MAP2K5: variants seen among roughly 807,000 people sequenced by gnomAD.
MAP2K5 encodes the protein dual specificity mitogen-activated protein kinase kinase 5.
Under a neutral mutation model 83.1 loss-of-function variants are expected in MAP2K5, and 49 were observed. That is an observed-to-expected ratio of 0.59 (90% CI 0.47 to 0.75). The LOEUF (loss-of-function observed/expected upper bound fraction) is 0.75, where lower values mean the gene tolerates loss of function less well. Among genes scored for constraint, MAP2K5 ranks in the 30% least tolerant of loss-of-function variants. The pLI, the probability that MAP2K5 is intolerant of heterozygous loss-of-function variation, is 0.00. For missense variants in MAP2K5, 457 were observed against 557.5 expected, an observed-to-expected ratio of 0.82 and a Z score of 1.82; for synonymous variants, 202 against 191.8, an observed-to-expected ratio of 1.05 and a Z score of -0.44.
chr15:67,628,402 C>T, intron 8 of MAP2K5: 2 of 542,234 alleles, frequency 3.7e-6, no homozygotes, highest in South Asian at 2.3e-5. Flanking sequence ...ATTGCTTGAA[C>T]CCAGGAGGCA....
chr15:67,656,326 A>ATTTT (rs11411357), intron 11 of MAP2K5, among the ~76,000 whole-genome samples: 1 of 143,414 alleles, frequency 7.0e-6, no homozygotes, highest in Admixed American at 7.0e-5. Flanking sequence ...AAACCTTTTA[A>ATTTT]TTTTTTTTTT....
rs1596861556 is a variant in MAP2K5, at chr15:67,724,690, A to G, written c.1045-3226A>G. ...GCTATATGTTTCCTTCTACTTTTCT[A>G]TAAGACAAATAGTGTGGAACATAAA... On this transcript the variant is annotated intron_variant, in intron 16 of 21. Coordinates refer to ENST00000178640, the MANE Select transcript of MAP2K5 (RefSeq NM_145160.3). The surrounding 1 kb of genome is among the most constrained non-coding windows in gnomAD (Gnocchi z 4.4). Among the ~76,000 whole-genome samples the G allele has an allele frequency of 6.6e-6, 1 of 152,214 alleles. No homozygotes were observed. Among genetic ancestry groups the G allele is most frequent in the African/African-American group, 2.4e-5 (1 of 41,452 alleles).
intron 2 of MAP2K5, among the ~76,000 whole-genome samples, chr15:67,558,843 A>G (rs1314124886): frequency 6.6e-6 from 1 of 152,188 alleles, no homozygotes; most frequent in Non-Finnish European, 1.5e-5. Context: ...TGTATGTTCC[A>G]TGAAGGCAGG....
chr15:67,802,067 A>G lies in MAP2K5; in HGVS notation c.1243-4579A>G, dbSNP rs891846588. ...CTCGGAGCCTCCATTCTTGCCCACAAGATGAGCACACCAAGCCCTGCCCCC... is the reference window on the plus strand; with the variant it reads ...CTCGGAGCCTCCATTCTTGCCCACAGGATGAGCACACCAAGCCCTGCCCCC... On this transcript the variant is annotated intron_variant, in intron 21 of 21. Transcript: ENST00000178640. The surrounding 1 kb of genome is among the most constrained non-coding windows in gnomAD (Gnocchi z 5.0). Among the ~76,000 whole-genome samples the G allele has an allele frequency of 6.6e-6, 1 of 152,198 alleles. No individual in the cohort carries two copies. The highest frequency in any genetic ancestry group is 2.4e-5 in the African/African-American group (1 of 41,444).
chr15:67,795,793 A>G (rs556312681), intron 21 of MAP2K5, among the ~76,000 whole-genome samples: 124 of 152,310 alleles, frequency 8.1e-4, no homozygotes, highest in Admixed American at 3.3e-3. Flanking sequence ...ATTATCTATC[A>G]ATTTCTAAGA....
At chr15:67,655,867 G>T (rs918073458) in intron 11 of MAP2K5, among the ~76,000 whole-genome samples, 2 of 151,860 alleles carry the variant, frequency 1.3e-5, no homozygotes, top group Non-Finnish European at 2.9e-5. Context: ...TATGCTGGAT[G>T]GTATTTTACA....
intron 21 of MAP2K5, among the ~76,000 whole-genome samples, chr15:67,800,989 T>G (rs750935928): frequency 6.6e-6 from 1 of 152,210 alleles, no homozygotes; most frequent in Non-Finnish European, 1.5e-5. Flanking sequence ...GTGTATGTTA[T>G]TTTTTTAAAT....
intron 13 of MAP2K5, among the ~76,000 whole-genome samples, chr15:67,681,402 A>G (rs984227018): frequency 6.6e-6 from 1 of 152,226 alleles, no homozygotes; most frequent in Non-Finnish European, 1.5e-5. Flanking sequence ...TGATTCGTCC[A>G]GTCTCACAGT....
chr15:67,789,085 G>A (rs1258012146), intron 21 of MAP2K5, among the ~76,000 whole-genome samples: 2 of 151,760 alleles, frequency 1.3e-5, no homozygotes, highest in African/African-American at 4.8e-5. Flanking sequence ...ATTGTTAATA[G>A]TAGCTTGGGT....
At chr15:67,647,899 G>A (rs771372151) in intron 11 of MAP2K5, among the ~76,000 whole-genome samples, 15 of 151,690 alleles carry the variant, frequency 9.9e-5, no homozygotes, top group Middle Eastern at 3.2e-3. Flanking sequence ...AATTAGCTAA[G>A]CATGGTGGTA....
intron 16 of MAP2K5, among the ~76,000 whole-genome samples, chr15:67,712,381 A>G (rs1228817246): frequency 6.6e-6 from 1 of 152,198 alleles, no homozygotes; most frequent in East Asian, 1.9e-4. Flanking sequence ...TGAGATTTTC[A>G]GTGCCTTACT....
At chr15:67,613,302 TC>T (rs1173366812) in intron 8 of MAP2K5, among the ~76,000 whole-genome samples, 7 of 152,206 alleles carry the variant, frequency 4.6e-5, no homozygotes, top group Admixed American at 6.5e-5. Flanking sequence ...CAATAGCTAT[TC>T]CTAAGACAAT....
chr15:67,804,650 CAG>C lies in MAP2K5; in HGVS notation c.1243-1992_1243-1991del, dbSNP rs2090766275. On this transcript the variant is annotated intron_variant, in intron 21 of 21. Coordinates refer to ENST00000178640, the MANE Select transcript of MAP2K5 (RefSeq NM_145160.3). ...CTGCTTGTTCCAGAACAGATGATAA[CAG>C]AGATGGAGCATATGGGCCCCAAAGT... Among the ~76,000 whole-genome samples, 3 of 152,210 alleles carry C rather than the reference CAG, an allele frequency of 2.0e-5. No homozygotes were observed. The South Asian group carries it at 6.2e-4, about 32-fold the overall frequency.
chr15:67,731,715 C>A (rs1425435069), intron 17 of MAP2K5, among the ~76,000 whole-genome samples: 1 of 152,162 alleles, frequency 6.6e-6, no homozygotes, highest in Non-Finnish European at 1.5e-5. Context: ...AAGTACCTTG[C>A]TTTAGGCAGG....
At chr15:67,582,975 T>A (rs2085213562) in intron 4 of MAP2K5, among the ~76,000 whole-genome samples, 1 of 152,204 alleles carries the variant, frequency 6.6e-6, no homozygotes, top group African/African-American at 2.4e-5. Context: ...ATTCTCACTG[T>A]TCATCGCATT....
intron 16 of MAP2K5, among the ~76,000 whole-genome samples, chr15:67,713,533 T>C (rs930888171): frequency 8.5e-5 from 13 of 152,282 alleles, no homozygotes; most frequent in African/African-American, 2.4e-4. Context: ...GTCGGGAGTT[T>C]GAGACCAGCC....
chr15:67,591,781 G>A (rs559689945), intron 6 of MAP2K5, among the ~76,000 whole-genome samples: 2 of 151,934 alleles, frequency 1.3e-5, no homozygotes, highest in East Asian at 3.9e-4. Context: ...AAAGCTAGAT[G>A]ACTTAAGAGC....
intron 4 of MAP2K5, among the ~76,000 whole-genome samples, chr15:67,583,087 T>A (rs148276074): frequency 6.6e-6 from 1 of 152,328 alleles, no homozygotes; most frequent in Non-Finnish European, 1.5e-5. Context: ...CTGATAGTTC[T>A]GCCTATTAGG....
Position 67,748,389 on chromosome 15 carries a change from T to C in MAP2K5, c.1101+132T>C. Reference sequence around the variant, plus strand: ...GAAAATGCAAACCTTTAACTGCCTGTATTAGATTAGGTACCATTAGAAATA... The same window carrying C: ...GAAAATGCAAACCTTTAACTGCCTGCATTAGATTAGGTACCATTAGAAATA... On this transcript the variant is annotated intron_variant, in intron 18 of 21. Coordinates refer to ENST00000178640, the MANE Select transcript of MAP2K5 (RefSeq NM_145160.3). The surrounding 1 kb of genome is among the most constrained non-coding windows in gnomAD (Gnocchi z 4.0). The C allele has an allele frequency of 3.4e-6, 3 of 874,882 alleles. No individual in the cohort carries two copies. The Admixed American group carries it at 6.5e-5, about 19-fold the overall frequency. 54.2% of individuals were successfully genotyped at this position (874,882 alleles called of 1,614,324 possible).
Sources: allele counts gnomAD v4.1 joint callset (sites outside exome capture counted in the v4.1 genomes callset), GRCh38; gene constraint gnomAD v4.1.1; non-coding constraint Gnocchi (gnomAD v3.1); transcripts MANE v1.5; gene names NCBI Gene and HGNC (gene_info 2026-07-23, HGNC 2026-07-21).